The following OPCML variants were observed in gnomAD, a reference collection of about 807,000 sequenced individuals.
OPCML encodes opioid-binding protein/cell adhesion molecule.
OPCML carries 13 observed loss-of-function variants against 37.8 expected under a neutral mutation model. That is an observed-to-expected ratio of 0.34 (90% CI 0.22 to 0.55). The LOEUF is 0.55. Among genes scored for constraint, OPCML ranks in the 20% least tolerant of loss-of-function variants. The pLI is 0.91. For missense variants in OPCML, 341 were observed against 435.6 expected, an observed-to-expected ratio of 0.78 and a Z score of 1.93; for synonymous variants, 176 against 168.8, an observed-to-expected ratio of 1.04 and a Z score of -0.33.
intron 1 of OPCML, among the ~76,000 whole-genome samples, chr11:133,407,491 T>C (rs1945551100): frequency 6.6e-6 from 1 of 152,014 alleles, no homozygotes; most frequent in Non-Finnish European, 1.5e-5. Context: ...AGAAGGCTGC[T>C]CCCTTCCAGT....
chr11:133,437,359 C>G (rs960250474), intron 1 of OPCML, among the ~76,000 whole-genome samples: 3 of 152,150 alleles, frequency 2.0e-5, no homozygotes, highest in Non-Finnish European at 2.9e-5. Flanking sequence ...TCTCTCTGGG[C>G]ATCACCTTTT....
chr11:133,399,523 T>C (rs1945355952), intron 1 of OPCML, among the ~76,000 whole-genome samples: 1 of 152,162 alleles, frequency 6.6e-6, no homozygotes. Context: ...CACAGTGCAG[T>C]TGCAGACCAA....
chr11:133,214,052 T>A (rs1470434027), intron 1 of OPCML, among the ~76,000 whole-genome samples: 1 of 152,186 alleles, frequency 6.6e-6, no homozygotes, highest in African/African-American at 2.4e-5. Context: ...TTTGTTTTTA[T>A]AATATACAAT....
chr11:133,026,729 T>C (rs1027738442), intron 1 of OPCML, among the ~76,000 whole-genome samples: 1 of 152,224 alleles, frequency 6.6e-6, no homozygotes, highest in Non-Finnish European at 1.5e-5. Context: ...TTGCCTGCAA[T>C]CAGTTTTGTC....
At chr11:133,005,589 G>T (rs1430370132) in intron 1 of OPCML, 2 of 984,944 alleles carry the variant, frequency 2.0e-6, no homozygotes, top group South Asian at 9.4e-5. Context: ...TTTCCTTAGG[G>T]ACTACAGATG....
At chr11:132,467,247 C>G (rs984076172) in intron 4 of OPCML, among the ~76,000 whole-genome samples, 1 of 152,184 alleles carries the variant, frequency 6.6e-6, no homozygotes, top group African/African-American at 2.4e-5. Flanking sequence ...CAGCCCTGCT[C>G]CTCTAGCCTT....
chr11:132,981,503 G>A (rs1157949172), intron 1 of OPCML, among the ~76,000 whole-genome samples: 1 of 152,136 alleles, frequency 6.6e-6, no homozygotes, highest in Non-Finnish European at 1.5e-5. Context: ...GGGCCTGAGG[G>A]AGGAATGTGA....
chr11:133,034,828 C>G (rs5003329), intron 1 of OPCML, among the ~76,000 whole-genome samples: 150,915 of 151,682 alleles, frequency 0.99, 75,076 homozygotes, highest in Middle Eastern at 1. Context: ...TGTGAACTTG[C>G]AGGAACCCTC....
intron 7 of OPCML, among the ~76,000 whole-genome samples, chr11:132,424,293 G>T (rs2095970409): frequency 6.6e-6 from 1 of 151,996 alleles, no homozygotes; most frequent in African/African-American, 2.4e-5. Flanking sequence ...CTAATTTTTT[G>T]TATTTTTAGT....
At chr11:133,326,780 G>C (rs1429980443) in intron 1 of OPCML, among the ~76,000 whole-genome samples, 1 of 144,310 alleles carries the variant, frequency 6.9e-6, no homozygotes, top group Non-Finnish European at 1.5e-5. Flanking sequence ...GTGAGTGTGT[G>C]GATGTGGATG....
At chr11:132,736,369 C>T (rs1251050936) in intron 2 of OPCML, among the ~76,000 whole-genome samples, 1 of 152,194 alleles carries the variant, frequency 6.6e-6, no homozygotes, top group Non-Finnish European at 1.5e-5. Context: ...TGGGGTAAAA[C>T]TTTTCAGTGC....
rs1018357691 is a variant in OPCML at position 133,174,750 on chromosome 11, C to G, written c.62-231740G>C. Among the ~76,000 whole-genome samples the G allele has an allele frequency of 7.0e-6, 1 of 142,792 alleles. No homozygotes were observed. Among genetic ancestry groups the G allele is most frequent in the Non-Finnish European group, 1.5e-5 (1 of 67,894 alleles). The allele number at this position is 142,792 out of a possible 152,430, so 93.7% of individuals were successfully genotyped here. On this transcript the variant is annotated intron_variant, in intron 1 of 7. Transcript: ENST00000524381. This position sits in a 1 kb window ranked among gnomAD's most constrained non-coding sequence, Gnocchi z 4.6. ...TTTGCCTATCTATATTTTCATCTCTCTGACTGTTTTAGTCATTCAACTCTA... is the reference window on the plus strand; with the variant it reads ...TTTGCCTATCTATATTTTCATCTCTGTGACTGTTTTAGTCATTCAACTCTA...
At chr11:133,374,110 ACAT>A in intron 1 of OPCML, among the ~76,000 whole-genome samples, 2 of 152,338 alleles carry the variant, frequency 1.3e-5, no homozygotes, top group Admixed American at 1.3e-4. Context: ...ACCCAATAAT[ACAT>A]CAATAGGTGA....
intron 1 of OPCML, among the ~76,000 whole-genome samples, chr11:133,155,524 C>T (rs1950046703): frequency 6.6e-6 from 1 of 152,106 alleles, no homozygotes; most frequent in Non-Finnish European, 1.5e-5. Flanking sequence ...TTCATCTTTC[C>T]TGGGCTTCTA....
intron 1 of OPCML, among the ~76,000 whole-genome samples, chr11:132,996,096 A>G (rs964153484): frequency 4.7e-5 from 7 of 150,444 alleles, no homozygotes; most frequent in Non-Finnish European, 1.0e-4. Context: ...CCCTTCTTCA[A>G]TAGCAATTCC....
At chr11:133,394,542 C>T (rs1321111181) in intron 1 of OPCML, among the ~76,000 whole-genome samples, 1 of 152,200 alleles carries the variant, frequency 6.6e-6, no homozygotes, top group Admixed American at 6.5e-5. Context: ...AACATCCCCA[C>T]TTCCCTTCCA....
intron 1 of OPCML, among the ~76,000 whole-genome samples, chr11:133,444,806 T>C (rs1453327327): frequency 6.6e-6 from 1 of 151,872 alleles, no homozygotes; most frequent in Non-Finnish European, 1.5e-5. Flanking sequence ...TTGGTTTTTT[T>C]TGCATGCAGC....
intron 2 of OPCML, among the ~76,000 whole-genome samples, chr11:132,875,666 G>A (rs780540652): frequency 1.2e-4 from 19 of 152,148 alleles, no homozygotes; most frequent in East Asian, 7.7e-4. Context: ...GTTTCTCCAC[G>A]TTGGTCAGGC....
intron 3 of OPCML, among the ~76,000 whole-genome samples, chr11:132,590,343 G>A (rs2096482366): frequency 6.6e-6 from 1 of 150,388 alleles, no homozygotes; most frequent in African/African-American, 2.5e-5. Flanking sequence ...AAACAAAGGT[G>A]CCTCCCCCAG....
Sources: gnomAD v4.1 joint callset for allele counts (sites outside exome capture counted in the v4.1 genomes callset) on GRCh38, gnomAD v4.1.1 for gene constraint, Gnocchi (gnomAD v3.1) non-coding constraint, MANE v1.5 for transcripts, NCBI Gene and HGNC (gene_info 2026-07-23, HGNC 2026-07-21) for gene names.